Variants in GPC5 observed in about 807,000 individuals in gnomAD.
GPC5 encodes the protein glypican-5.
A neutral mutation model predicts 53.9 loss-of-function variants in GPC5; 47 were observed. That is an observed-to-expected ratio of 0.87 (90% confidence interval 0.69 to 1.11). The LOEUF is 1.11. Ranked by LOEUF, GPC5 falls within the 50% of genes most tolerant of loss-of-function variation. The pLI, the probability that GPC5 is intolerant of heterozygous loss-of-function variation, is 0.00. For missense variants in GPC5, 748 were observed against 713.1 expected, an observed-to-expected ratio of 1.05 and a Z score of -0.56; for synonymous variants, 286 against 263.3, an observed-to-expected ratio of 1.09 and a Z score of -0.84.
chr13:92,782,540 G>A (rs1174225216), intron 7 of GPC5, among the ~76,000 whole-genome samples: 1 of 152,156 alleles, frequency 6.6e-6, no homozygotes, highest in Non-Finnish European at 1.5e-5. Flanking sequence ...CTGACTGTAA[G>A]GGAAAATATC....
At chr13:92,080,384 A>G (rs183680811) in intron 6 of GPC5, among the ~76,000 whole-genome samples, 30 of 152,308 alleles carry the variant, frequency 2.0e-4, no homozygotes, top group East Asian at 3.9e-4. Context: ...ATTGTTTGCC[A>G]TAACCTTGAC....
intron 2 of GPC5, among the ~76,000 whole-genome samples, chr13:91,654,080 T>C (rs1224061984): frequency 6.6e-6 from 1 of 152,286 alleles, no homozygotes; most frequent in East Asian, 1.9e-4. Context: ...GCTACTGAGA[T>C]TTTAGAGGCA....
intron 7 of GPC5, among the ~76,000 whole-genome samples, chr13:92,160,667 A>G (rs1016225032): frequency 6.6e-6 from 1 of 152,134 alleles, no homozygotes; most frequent in Non-Finnish European, 1.5e-5. Flanking sequence ...TGTCAGTGAG[A>G]TTACTATATA....
At chr13:92,208,899 A>G (rs2042355993) in intron 7 of GPC5, among the ~76,000 whole-genome samples, 1 of 152,226 alleles carries the variant, frequency 6.6e-6, no homozygotes. Context: ...ACAATGACAG[A>G]AAGCACATCC....
chr13:92,581,398 T>G, intron 7 of GPC5, among the ~76,000 whole-genome samples: 1 of 152,152 alleles, frequency 6.6e-6, no homozygotes, highest in Non-Finnish European at 1.5e-5. Context: ...AATGACAAGA[T>G]TTCCTTCATT....
chr13:92,559,330 ATGTGTGTG>A (rs5805755), intron 7 of GPC5, among the ~76,000 whole-genome samples: 3,561 of 143,104 alleles, frequency 0.025, 148 homozygotes, highest in African/African-American at 0.086. Context: ...TAGTGTGTAT[ATGTGTGTG>A]TGTGTGTGTG....
intron 7 of GPC5, among the ~76,000 whole-genome samples, chr13:92,788,815 A>C (rs1490977616): frequency 6.6e-6 from 1 of 152,196 alleles, no homozygotes; most frequent in Non-Finnish European, 1.5e-5. Flanking sequence ...TATTTGTGAA[A>C]GGAAAATGGG....
Position 91,587,711 on chromosome 13 carries a change from C to T in GPC5, c.326-105476C>T, listed in dbSNP as rs78695325. Reference sequence around the variant, plus strand: ...TATGTTTTACTCTTTAGCTGTTTTACGAATTCTCTTCTTCTAATGAGATCA... The same window carrying T: ...TATGTTTTACTCTTTAGCTGTTTTATGAATTCTCTTCTTCTAATGAGATCA... On this transcript the variant is annotated intron_variant, in intron 2 of 7. Transcript: ENST00000377067. Among the ~76,000 whole-genome samples, 956 of 152,196 alleles carry T rather than the reference C, an allele frequency of 6.3e-3. 7 individuals are homozygous for T. The highest frequency in any genetic ancestry group is 0.022 in the African/African-American group (911 of 41,544).
chr13:92,791,326 G>T (rs1160068738), intron 7 of GPC5, among the ~76,000 whole-genome samples: 3 of 151,382 alleles, frequency 2.0e-5, no homozygotes, highest in African/African-American at 4.9e-5. Flanking sequence ...TTAAAGAGTT[G>T]CCAAGAGGTA....
chr13:91,915,433 A>T (rs577062130), intron 6 of GPC5, among the ~76,000 whole-genome samples: 29 of 152,082 alleles, frequency 1.9e-4, no homozygotes, highest in African/African-American at 6.7e-4. Flanking sequence ...TTTTTTTTTT[A>T]AAGTAATGGG....
intron 7 of GPC5, among the ~76,000 whole-genome samples, chr13:92,719,413 T>G (rs1252255041): frequency 6.6e-6 from 1 of 152,200 alleles, no homozygotes; most frequent in African/African-American, 2.4e-5. Context: ...TTTTTCTCAT[T>G]GTGATTTCAT....
At chr13:91,507,964 T>C (rs1406008394) in intron 2 of GPC5, among the ~76,000 whole-genome samples, 1 of 152,198 alleles carries the variant, frequency 6.6e-6, no homozygotes, top group African/African-American at 2.4e-5. Context: ...TCTTAAACAA[T>C]GATACTAAAA....
At chr13:92,374,903 G>T (rs1028362407) in intron 7 of GPC5, among the ~76,000 whole-genome samples, 3 of 151,118 alleles carry the variant, frequency 2.0e-5, no homozygotes, top group Non-Finnish European at 4.4e-5. Flanking sequence ...AAAATGGATT[G>T]TTGATTTTCT....
At chr13:91,886,759 G>A (rs901379731) in intron 5 of GPC5, among the ~76,000 whole-genome samples, 1 of 152,158 alleles carries the variant, frequency 6.6e-6, no homozygotes, top group African/African-American at 2.4e-5. Context: ...ATCTCCTTTG[G>A]CTTTATGTCT....
At chr13:91,775,663 C>T (rs2037699343) in intron 5 of GPC5, among the ~76,000 whole-genome samples, 1 of 152,172 alleles carries the variant, frequency 6.6e-6, no homozygotes, top group African/African-American at 2.4e-5. Flanking sequence ...GTAAATGTTA[C>T]TTCTTTATAA....
intron 7 of GPC5, among the ~76,000 whole-genome samples, chr13:92,542,015 A>G (rs184992854): frequency 6.6e-6 from 1 of 152,050 alleles, no homozygotes. Context: ...TGTTTTAACT[A>G]CTTTTGTTTT....
chr13:91,433,824 A>C (rs1879687436), intron 1 of GPC5, among the ~76,000 whole-genome samples: 1 of 152,030 alleles, frequency 6.6e-6, no homozygotes, highest in African/African-American at 2.4e-5. Flanking sequence ...CCAACAGTGT[A>C]AAAGTGTTCC....
In GPC5 at chr13:91,676,453, TCAGAAA is replaced by T. The variant is rs538448054; in HGVS notation, c.326-16728_326-16723del. On this transcript the variant is annotated intron_variant, in intron 2 of 7. Transcript: ENST00000377067. ...TATACCATCATGGATATAGGTGTACTCAGAAACAGAATGAAAAAAAAGTCAGCTTTT... is the reference window on the plus strand; with the variant it reads ...TATACCATCATGGATATAGGTGTACTCAGAATGAAAAAAAAGTCAGCTTTT... Among the ~76,000 whole-genome samples, 315 of 152,154 alleles carry T rather than the reference TCAGAAA, an allele frequency of 2.1e-3. 1 individual carries two copies. The highest frequency in any genetic ancestry group is 6.2e-3 in the African/African-American group (259 of 41,502).
intron 7 of GPC5, among the ~76,000 whole-genome samples, chr13:92,481,149 G>A (rs1879338659): frequency 6.6e-6 from 1 of 151,158 alleles, no homozygotes; most frequent in Non-Finnish European, 1.5e-5. Flanking sequence ...TGCCCATGCT[G>A]GAGTGCAGTG....
Sources: gnomAD v4.1 joint callset for allele counts (sites outside exome capture counted in the v4.1 genomes callset) on GRCh38, gnomAD v4.1.1 for gene constraint, MANE v1.5 for transcripts, NCBI Gene and HGNC (gene_info 2026-07-23, HGNC 2026-07-21) for gene names.